FUT1: variants seen among roughly 807,000 people sequenced by gnomAD.
FUT1 encodes galactoside alpha-(1,2)-fucosyltransferase 1.
For missense variants in FUT1, 476 were observed against 492.7 expected, an observed-to-expected ratio of 0.97 and a Z score of 0.32; for synonymous variants, 215 against 208.7, an observed-to-expected ratio of 1.03 and a Z score of -0.26.
rs1201072121 is a variant in FUT1, at chr19:48,750,992, G to A, written c.290C>T (p.Ala97Val). The change falls in exon 2 of 2, where the codon GCC (alanine) becomes GTC (valine). Residue 97 changes from alanine to valine, a missense_variant. Transcript: ENST00000645652. The part of the protein sequence containing the change: ...GRFGNQMGQY[A>V]TLLALAQLNG... ...GAGCTGGGCCAGAGCCAGCAGCGTGGCATACTGTCCCATCTGATTACCAAA... is the reference window on the plus strand; with the variant it reads ...GAGCTGGGCCAGAGCCAGCAGCGTGACATACTGTCCCATCTGATTACCAAA... 6.3e-7 allele frequency: 1 copy of A among 1,595,248 alleles called. No individual in the cohort carries two copies. Among genetic ancestry groups the A allele is most frequent in the Admixed American group, 1.7e-5 (1 of 59,008 alleles).
In FUT1 at chr19:48,750,697, C is replaced by A. The variant is rs752865322; in HGVS notation, c.585G>T (p.Ala195=). Residue 195 remains alanine (A), a synonymous_variant, in exon 2 of 2, where the codon GCG becomes GCT. Transcript: ENST00000645652. ...GGCGGAGCTGACCCAGCACACTCTGCGCCTCTTCCCGAAGGTGGTCGTGCA... is the reference window on the plus strand; with the variant it reads ...GGCGGAGCTGACCCAGCACACTCTGAGCCTCTTCCCGAAGGTGGTCGTGCA... The part of the protein sequence containing the change: ...FTLHDHLREE[A]QSVLGQLRLG... 3.1e-6 allele frequency: 5 copies of A among 1,613,200 alleles called. No homozygotes were observed. The highest frequency in any genetic ancestry group is 4.2e-6 in the Non-Finnish European group (5 of 1,180,002).
rs2033940883 is a variant in FUT1 at position 48,748,479 on chromosome 19, G to C, written c.*1705C>G. The stretch of plus-strand genomic sequence containing the variant: ...CCTCAGCAGCCCACCTGCAGACAAA[G>C]ACCAACTTCCTTCATTGTGAGAGGC... On this transcript the variant is annotated 3_prime_UTR_variant, in exon 2 of 2. Coordinates refer to ENST00000645652, the MANE Select transcript of FUT1 (RefSeq NM_001384359.1). 6.6e-6 allele frequency: 1 copy of C among 152,336 alleles called. No individual in the cohort carries two copies. The highest frequency in any genetic ancestry group is 2.1e-4 in the South Asian group (1 of 4,830). 9.4% of individuals were successfully genotyped at this position (152,336 alleles called of 1,614,324 possible).
chr19:48,754,118 G>A (rs908542955), upstream of FUT1, among the ~76,000 whole-genome samples: 27 of 150,742 alleles, frequency 1.8e-4, no homozygotes, highest in Admixed American at 1.3e-4. Context: ...CCCAGGAGGC[G>A]GAGATTGCAG....
intron 1 of FUT1, 80 bp from the exon 2 acceptor site, chr19:48,751,363 G>T: frequency 1.4e-6 from 2 of 1,462,596 alleles, no homozygotes; most frequent in Admixed American, 3.8e-5. Context: ...GGTAAGGGAG[G>T]CGCCTGGGGT....
At position 48,752,538 on chromosome 19, in the gene FUT1, A is replaced by T; in HGVS notation, c.-51T>A. Reference sequence around the variant, plus strand: ...TCCACAGTCCGCTTTTCGTGGCCGGAGCGCACCCTCCGCAAAGGCAGGCCA... The same window carrying T: ...TCCACAGTCCGCTTTTCGTGGCCGGTGCGCACCCTCCGCAAAGGCAGGCCA... On this transcript the variant is annotated 5_prime_UTR_variant, in exon 1 of 2. Coordinates refer to ENST00000645652, the MANE Select transcript of FUT1 (RefSeq NM_001384359.1). This position sits in a 1 kb window ranked among gnomAD's most constrained non-coding sequence, Gnocchi z 4.3. The T allele has an allele frequency of 1.0e-6, 1 of 985,386 alleles. No homozygotes were observed. Among genetic ancestry groups the T allele is most frequent in the Non-Finnish European group, 1.2e-6 (1 of 829,928 alleles). The allele number at this position is 985,386 out of a possible 1,614,324, so 61.0% of individuals were successfully genotyped here. A position where few individuals can be genotyped will look rare whatever the true frequency, so the allele number is the denominator to read the frequency against.
rs1205973588 is a variant in FUT1 at position 48,752,087 on chromosome 19, G to T, written c.-3+403C>A. Among the ~76,000 whole-genome samples the T allele has an allele frequency of 1.4e-5, 2 of 145,530 alleles. No individual in the cohort carries two copies. The highest frequency in any genetic ancestry group is 2.2e-4 in the South Asian group (1 of 4,546). ...CACCGCTGACTGCACTCCAGCTTGC[G>T]CGACAGAGAGGGACCCTGTCTTAAA... On this transcript the variant is annotated intron_variant, in intron 1 of 1. Transcript: ENST00000645652. This position sits in a 1 kb window ranked among gnomAD's most constrained non-coding sequence, Gnocchi z 4.3.
chr19:48,750,691 ACT>A lies in FUT1; in HGVS notation c.589_590del (p.Ser197CysfsTer72), dbSNP rs1568490625. 6.2e-7 allele frequency: 1 copy of A among 1,613,148 alleles called. No homozygotes were observed. The highest frequency in any genetic ancestry group is 1.3e-5 in the African/African-American group (1 of 75,024). On this transcript the variant is annotated frameshift_variant, in exon 2 of 2. Transcript: ENST00000645652. LOFTEE classifies it low-confidence loss of function (END_TRUNC). ...GGCCCAGGCGGAGCTGACCCAGCAC[ACT>A]CTGCGCCTCTTCCCGAAGGTGGTCG... Reference protein sequence around the residue: ...LHDHLREEAQSVLGQLRLGRT... With the variant: ...LHDHLREEAQXVLGQLRLGRT...
chr19:48,754,346 C>T (rs1400842482), upstream of FUT1, among the ~76,000 whole-genome samples: 1 of 152,178 alleles, frequency 6.6e-6, no homozygotes, highest in Non-Finnish European at 1.5e-5. Flanking sequence ...AGATAATACC[C>T]AGCCTCCCAC....
Position 48,751,145 on chromosome 19 carries a change from C to T in FUT1, c.137G>A (p.Arg46His), listed in dbSNP as rs1568490908. Residue 46 changes from arginine (R) to histidine (H), a missense_variant, in exon 2 of 2, where the codon CGC (arginine) becomes CAC (histidine). By Grantham distance (29) the Arg-to-His change is conservative. Transcript: ENST00000645652. ...LGLSILCPDR[R>H]LVTPPVAIFC... ...GATGGCCACTGGGGGTGTCACCAGGCGGCGGTCTGGACACAGGATCGACAG... is the reference window on the plus strand; with the variant it reads ...GATGGCCACTGGGGGTGTCACCAGGTGGCGGTCTGGACACAGGATCGACAG... 8 of 1,614,004 alleles carry T rather than the reference C, an allele frequency of 5.0e-6. No homozygotes were observed. Among genetic ancestry groups the T allele is most frequent in the East Asian group, 2.2e-5 (1 of 44,874 alleles).
In FUT1 at chr19:48,750,593, T is replaced by A. The variant is rs1445220556; in HGVS notation, c.689A>T (p.Gln230Leu). Reference sequence around the variant, plus strand: ...GTCGCCCACCACACCCTTCCAGCGCTGAGGCATAACCTGCAGATAGTCCCC... The same window carrying A: ...GTCGCCCACCACACCCTTCCAGCGCAGAGGCATAACCTGCAGATAGTCCCC... Reference protein sequence around the residue: ...RRGDYLQVMPQRWKGVVGDSA... With the variant: ...RRGDYLQVMPLRWKGVVGDSA... The change falls in exon 2 of 2, where the codon CAG becomes CTG. Residue 230 changes from glutamine to leucine, a missense_variant. By Grantham distance (113) the Gln-to-Leu change is moderately radical (BLOSUM62 -2). Transcript: ENST00000645652. 1 of 1,611,308 alleles carries A rather than the reference T, an allele frequency of 6.2e-7. No individual in the cohort carries two copies. Among genetic ancestry groups the A allele is most frequent in the Non-Finnish European group, 8.5e-7 (1 of 1,180,010 alleles).
At position 48,749,355 on chromosome 19, in the gene FUT1, C is replaced by T. The variant is rs1303021931; in HGVS notation, c.*829G>A. ...TCCGGGCTGGGCACAGTGGCTCATG[C>T]CAGTAATCCCAGCACTTTGGGAGGC... On this transcript the variant is annotated 3_prime_UTR_variant, in exon 2 of 2. Coordinates refer to ENST00000645652, the MANE Select transcript of FUT1 (RefSeq NM_001384359.1). 1 of 151,712 alleles carries T rather than the reference C, an allele frequency of 6.6e-6. No individual in the cohort carries two copies. The highest frequency in any genetic ancestry group is 1.5e-5 in the Non-Finnish European group (1 of 67,988). 9.4% of individuals were successfully genotyped at this position (151,712 alleles called of 1,614,324 possible).
Position 48,750,516 on chromosome 19 carries a change from G to C in FUT1, c.766C>G (p.Pro256Ala). ...MDWFRARHEA[P>A]VFVVTSNGME... ...CCGTTGCTGGTGACCACGAAAACGG[G>C]GGCTTCGTGCCGTGCCCGGAACCAG... Residue 256 changes from proline to alanine, a missense_variant, in exon 2 of 2, where the codon CCC (proline) becomes GCC (alanine). By Grantham distance (27) the Pro-to-Ala change is conservative (BLOSUM62 -1). Coordinates refer to ENST00000645652, the MANE Select transcript of FUT1 (RefSeq NM_001384359.1). 4 of 1,613,832 alleles carry C rather than the reference G, an allele frequency of 2.5e-6. No homozygotes were observed. The highest frequency in any genetic ancestry group is 3.4e-6 in the Non-Finnish European group (4 of 1,180,034).
At position 48,750,603 on chromosome 19, in the gene FUT1, C is replaced by A; in HGVS notation, c.679G>T (p.Val227Phe). Residue 227 changes from valine to phenylalanine, a missense_variant, in exon 2 of 2, where the codon GTT becomes TTT. Transcript: ENST00000645652. The stretch of plus-strand genomic sequence containing the variant: ...ACACCCTTCCAGCGCTGAGGCATAA[C>A]CTGCAGATAGTCCCCACGGCGCACG... ...VHVRRGDYLQ[V>F]MPQRWKGVVG... 1.9e-6 allele frequency: 3 copies of A among 1,611,478 alleles called. No homozygotes were observed. The highest frequency in any genetic ancestry group is 2.5e-6 in the Non-Finnish European group (3 of 1,179,986).
chr19:48,750,255 C>T lies in FUT1; in HGVS notation c.1027G>A (p.Ala343Thr), dbSNP rs1308254579. The T allele has an allele frequency of 6.2e-7, 1 of 1,613,878 alleles. No individual in the cohort carries two copies. The highest frequency in any genetic ancestry group is 1.3e-5 in the African/African-American group (1 of 74,932). ...CCCACCCACTCGGGCAGGAAGGCCG[C>T]CTCCGGCTTAAAGATCTTCAGGAAC... is the stretch of plus-strand genomic sequence containing the variant. ...SEFLKIFKPE[A>T]AFLPEWVGIN... Residue 343 changes from alanine (A) to threonine (T), a missense_variant, in exon 2 of 2, where the codon GCG (alanine) becomes ACG (threonine). By Grantham distance (58) the Ala-to-Thr change is moderately conservative. Transcript: ENST00000645652.
rs2033990667 is a variant in FUT1 at position 48,750,927 on chromosome 19, C to T, written c.355G>A (p.Ala119Thr). Residue 119 changes from alanine (A) to threonine (T), a missense_variant, in exon 2 of 2, where the codon GCC (alanine) becomes ACC (threonine). Coordinates refer to ENST00000645652, the MANE Select transcript of FUT1 (RefSeq NM_001384359.1). Reference sequence around the variant, plus strand: ...GTGATGCGGAATACCGGGGCCAGGGCGGCATGCATGGCAGGCAGGATAAAG... The same window carrying T: ...GTGATGCGGAATACCGGGGCCAGGGTGGCATGCATGGCAGGCAGGATAAAG... ...RAFILPAMHAALAPVFRITLP... is the reference protein window; with the variant it reads ...RAFILPAMHATLAPVFRITLP... 2 of 1,611,130 alleles carry T rather than the reference C, an allele frequency of 1.2e-6. No individual in the cohort carries two copies. Among genetic ancestry groups the T allele is most frequent in the Non-Finnish European group, 8.5e-7 (1 of 1,178,076 alleles).
At position 48,751,290 on chromosome 19, in the gene FUT1, G is replaced by A; in HGVS notation, c.-2-7C>T. 2 of 1,613,806 alleles carry A rather than the reference G, an allele frequency of 1.2e-6. No individual in the cohort carries two copies. Among genetic ancestry groups the A allele is most frequent in the Non-Finnish European group, 1.7e-6 (2 of 1,179,902 alleles). ...TGGCTCCGGAGCCACATGGCTGCAG[G>A]GGAGGAAAGGCGAATTAGCAAATGC... On this transcript the variant is annotated splice_polypyrimidine_tract_variant and splice_region_variant and intron_variant, in intron 1 of 1. Transcript: ENST00000645652.
In FUT1 at chr19:48,751,264, A is replaced by ATGGCTCC. The variant is rs777821719; in HGVS notation, c.11_17dup (p.His6GlnfsTer88). ...GCAGGAAGGCCAGGCAGAGCTGACG[A>ATGGCTCC]TGGCTCCGGAGCCACATGGCTGCAG... is the stretch of plus-strand genomic sequence containing the variant. On this transcript the variant is annotated frameshift_variant, in exon 2 of 2. Coordinates refer to ENST00000645652, the MANE Select transcript of FUT1 (RefSeq NM_001384359.1). LOFTEE classifies it low-confidence loss of function (END_TRUNC). The ATGGCTCC allele has an allele frequency of 2.5e-6, 4 of 1,613,982 alleles. No homozygotes were observed. The highest frequency in any genetic ancestry group is 3.4e-6 in the Non-Finnish European group (4 of 1,180,024).
At position 48,752,367 on chromosome 19, in the gene FUT1, G is replaced by A; in HGVS notation, c.-3+123C>T. On this transcript the variant is annotated intron_variant, in intron 1 of 1. Coordinates refer to ENST00000645652, the MANE Select transcript of FUT1 (RefSeq NM_001384359.1). The surrounding 1 kb of genome is among the most constrained non-coding windows in gnomAD (Gnocchi z 4.3). ...GGTTCCTGGAGGAGTAATGGCTGGGGAGGTGGCGGAGATTCCTAGGGCCTT... is the reference window on the plus strand; with the variant it reads ...GGTTCCTGGAGGAGTAATGGCTGGGAAGGTGGCGGAGATTCCTAGGGCCTT... 4.6e-6 allele frequency: 2 copies of A among 438,574 alleles called. No homozygotes were observed. The highest frequency in any genetic ancestry group is 6.1e-6 in the Non-Finnish European group (2 of 329,636). 27.2% of individuals were successfully genotyped at this position (438,574 alleles called of 1,614,324 possible).
chr19:48,749,836 G>A lies in FUT1; in HGVS notation c.*348C>T, dbSNP rs910933867. The A allele has an allele frequency of 5.6e-6, 2 of 354,522 alleles. No homozygotes were observed. Among genetic ancestry groups the A allele is most frequent in the African/African-American group, 4.2e-5 (2 of 47,604 alleles). The allele number at this position is 354,522 out of a possible 1,614,324, so 22.0% of individuals were successfully genotyped here. A position where few individuals can be genotyped will look rare whatever the true frequency, so the allele number is the denominator to read the frequency against. ...GCTCCTTCAGTCTTTGGAGGACCCA[G>A]GGGAGAAGTAACCCCTCTTCTAGAG... On this transcript the variant is annotated 3_prime_UTR_variant, in exon 2 of 2. Transcript: ENST00000645652.
Sources: allele counts gnomAD v4.1 joint callset (sites outside exome capture counted in the v4.1 genomes callset), GRCh38; gene constraint gnomAD v4.1.1; non-coding constraint Gnocchi (gnomAD v3.1); transcripts MANE v1.5; gene names NCBI Gene and HGNC (gene_info 2026-07-23, HGNC 2026-07-21).